Variants in PTCHD1 observed in about 807,000 individuals in gnomAD.
PTCHD1 encodes the protein patched domain-containing protein 1.
In PTCHD1, 3 loss-of-function variants were observed where a neutral mutation model predicts 34.6. The observed-to-expected ratio is 0.09, with a 90% CI of 0.04 to 0.22. The LOEUF is 0.22. Among genes scored for constraint, PTCHD1 ranks in the 10% least tolerant of loss-of-function variants. The probability of loss-of-function intolerance (pLI) is 1.00; values close to 1 mark genes in which losing one functional copy is unlikely to be tolerated. For missense variants in PTCHD1, 504 were observed against 685.5 expected, an observed-to-expected ratio of 0.74 and a Z score of 2.96; for synonymous variants, 305 against 283.1, an observed-to-expected ratio of 1.08 and a Z score of -0.77.
At chrX:23,367,928 G>T (rs1922189064) in intron 1 of PTCHD1, among the ~76,000 whole-genome samples, 1 of 110,797 alleles carries the variant, frequency 9.0e-6, no homozygotes, top group African/African-American at 3.3e-5. Flanking sequence ...GTTTGCCTGT[G>T]ATAGTCCCAT....
intron 1 of PTCHD1, among the ~76,000 whole-genome samples, chrX:23,365,670 A>G (rs1482306781): frequency 9.0e-6 from 1 of 111,672 alleles, no homozygotes; most frequent in African/African-American, 3.3e-5. Context: ...GCCAAGTCCC[A>G]TCTGTCATTG....
chrX:23,360,976 TC>T (rs1409301948), intron 1 of PTCHD1, among the ~76,000 whole-genome samples: 4 of 112,409 alleles, frequency 3.6e-5, no homozygotes, highest in African/African-American at 9.7e-5. Flanking sequence ...AGTTTCTTAA[TC>T]CTGAGTTTTA....
At chrX:23,352,142 C>G (rs1379725332) in intron 1 of PTCHD1, among the ~76,000 whole-genome samples, 1 of 111,374 alleles carries the variant, frequency 9.0e-6, no homozygotes, top group Admixed American at 9.5e-5. Context: ...CACAGGAGGG[C>G]GAGAAGGGGA....
intron 1 of PTCHD1, among the ~76,000 whole-genome samples, chrX:23,360,025 T>C (rs941036737): frequency 2.7e-5 from 3 of 112,197 alleles, no homozygotes; most frequent in African/African-American, 9.7e-5. Flanking sequence ...GATAACCTTT[T>C]TGATGTGCTG....
At chrX:23,383,269 C>G (rs1922607618) in intron 2 of PTCHD1, among the ~76,000 whole-genome samples, 1 of 111,964 alleles carries the variant, frequency 8.9e-6, no homozygotes, top group African/African-American at 3.2e-5. Flanking sequence ...GGTAAAGTAT[C>G]TTAGAAAAAG....
intron 1 of PTCHD1, among the ~76,000 whole-genome samples, chrX:23,350,806 A>T (rs972032891): frequency 1.1e-4 from 12 of 110,796 alleles, no homozygotes; most frequent in African/African-American, 3.9e-4. Flanking sequence ...GCTAGGTCGA[A>T]AGATAGGAGG....
At chrX:23,342,682 G>A (rs986979509) in intron 1 of PTCHD1, among the ~76,000 whole-genome samples, 1 of 111,031 alleles carries the variant, frequency 9.0e-6, no homozygotes, top group African/African-American at 3.3e-5. Context: ...TTAGATGCCA[G>A]ACCTCTACAT....
intron 1 of PTCHD1, among the ~76,000 whole-genome samples, chrX:23,368,387 T>A (rs1223805214): frequency 3.6e-5 from 4 of 112,219 alleles, no homozygotes; most frequent in Non-Finnish European, 7.5e-5. Context: ...GTAAATGATA[T>A]GCATGTAGCA....
rs973672673 is a variant in PTCHD1 at position 23,335,016 on chromosome X, G to C, written c.141G>C (p.Gln47His). ...TCGGCGCCAGCTTCAGCCGCTACCA[G>C]GTCGAGGAGAGCGTGGAGCACCTGC... ...ILLGASFSRYQVEESVEHLLA... is the reference protein window; with the variant it reads ...ILLGASFSRYHVEESVEHLLA... The change falls in exon 1 of 3, where the codon CAG (glutamine) becomes CAC (histidine). Residue 47 changes from glutamine to histidine, a missense_variant. Physicochemically the swap from Gln to His is conservative, Grantham distance 24 (BLOSUM62 0). Coordinates refer to ENST00000379361, the MANE Select transcript of PTCHD1 (RefSeq NM_173495.3). 1 of 1,209,286 alleles carries C rather than the reference G, an allele frequency of 8.3e-7. No individual in the cohort carries two copies. Among genetic ancestry groups the C allele is most frequent in the Non-Finnish European group, 1.1e-6 (1 of 894,839 alleles).
At chrX:23,366,263 C>A (rs1020874635) in intron 1 of PTCHD1, among the ~76,000 whole-genome samples, 1 of 111,890 alleles carries the variant, frequency 8.9e-6, no homozygotes, top group African/African-American at 3.3e-5. Flanking sequence ...ATGTAGCTAC[C>A]ACACTGCAGG....
rs1203995769 is a variant in PTCHD1, at chrX:23,400,659, T to G, written c.*6474T>G. 2.7e-5 allele frequency: 3 copies of G among 111,665 alleles called. No individual in the cohort carries two copies. Among genetic ancestry groups the G allele is most frequent in the Non-Finnish European group, 5.6e-5 (3 of 53,152 alleles). The allele number at this position is 111,665 out of a possible 1,213,427, so 9.2% of individuals were successfully genotyped here. A position where few individuals can be genotyped will look rare whatever the true frequency, so the allele number is the denominator to read the frequency against. On this transcript the variant is annotated 3_prime_UTR_variant, in exon 3 of 3. Transcript: ENST00000379361. ...TCAGGCACAACGGAAGCCGCCTCGGTTGGCCTATGGGAAGGGCTGGGTGAA... is the reference window on the plus strand; with the variant it reads ...TCAGGCACAACGGAAGCCGCCTCGGGTGGCCTATGGGAAGGGCTGGGTGAA...
At chrX:23,375,631 G>T (rs1434250779) in intron 1 of PTCHD1, among the ~76,000 whole-genome samples, 2 of 111,672 alleles carry the variant, frequency 1.8e-5, no homozygotes, top group African/African-American at 6.5e-5. Context: ...GCTCACTGCT[G>T]AATTTGTTGG....
At chrX:23,365,055 C>T (rs976107787) in intron 1 of PTCHD1, among the ~76,000 whole-genome samples, 2 of 111,600 alleles carry the variant, frequency 1.8e-5, no homozygotes, top group Admixed American at 1.9e-4. Flanking sequence ...AAGTGATTAG[C>T]CTTAAGCCTT....
At position 23,393,091 on chromosome X, in the gene PTCHD1, G is replaced by A; in HGVS notation, c.1573G>A (p.Gly525Arg). 1 of 1,210,643 alleles carries A rather than the reference G, an allele frequency of 8.3e-7. No individual in the cohort carries two copies. The highest frequency in any genetic ancestry group is 2.3e-4 in the Middle Eastern group (1 of 4,351). ...AATGGGCTATCTGCAGGTCAGTGAA[G>A]GGTCAGACCTTAGTAACATTGTAGC... is the stretch of plus-strand genomic sequence containing the variant. ...ALMGYLQVSE[G>R]SDLSNIVATA... Residue 525 changes from glycine to arginine, a missense_variant, in exon 3 of 3, where the codon GGG becomes AGG. Physicochemically the swap from Gly to Arg is moderately radical, Grantham distance 125. Transcript: ENST00000379361.
At position 23,336,894 on chromosome X, in the gene PTCHD1, C is replaced by T. The variant is rs1034837689; in HGVS notation, c.351+1668C>T. Among the ~76,000 whole-genome samples, 8 of 111,413 alleles carry T rather than the reference C, an allele frequency of 7.2e-5. No homozygotes were observed. The South Asian group carries it at 3.1e-3, about 43-fold the overall frequency. ...TAACCAGTTCTGACAGTTGGAAATGCCCCGTCTTTTGATTGATGATCTACT... is the reference window on the plus strand; with the variant it reads ...TAACCAGTTCTGACAGTTGGAAATGTCCCGTCTTTTGATTGATGATCTACT... On this transcript the variant is annotated intron_variant, in intron 1 of 2. Coordinates refer to ENST00000379361, the MANE Select transcript of PTCHD1 (RefSeq NM_173495.3).
At position 23,392,074 on chromosome X, in the gene PTCHD1, C is replaced by T. The variant is rs113637146; in HGVS notation, c.1013-457C>T. On this transcript the variant is annotated intron_variant, in intron 2 of 2. Transcript: ENST00000379361. ...TTCTTTCTTTTTTCTTTCTTTCTTT[C>T]TTTTTTTTTTTTTTTTTGAGAGATG... Among the ~76,000 whole-genome samples the T allele has an allele frequency of 4.7e-3, 246 of 52,311 alleles. 3 individuals carry two copies. The highest frequency in any genetic ancestry group is 0.019 in the African/African-American group (153 of 7,967). 45.4% of individuals were successfully genotyped at this position (52,311 alleles called of 115,157 possible).
At chrX:23,352,368 G>C (rs1403080982) in intron 1 of PTCHD1, among the ~76,000 whole-genome samples, 3 of 112,103 alleles carry the variant, frequency 2.7e-5, no homozygotes, top group Non-Finnish European at 5.6e-5. Context: ...TACAGAATTT[G>C]AGTATGAAAG....
In PTCHD1 at chrX:23,394,230, A is replaced by G. The variant is rs1454529995; in HGVS notation, c.*45A>G. ...TTTCACCTTAGGTCTTATCAAGACC[A>G]AAGAGATTATGTTAATGAAACAATT... On this transcript the variant is annotated 3_prime_UTR_variant, in exon 3 of 3. Coordinates refer to ENST00000379361, the MANE Select transcript of PTCHD1 (RefSeq NM_173495.3). The G allele has an allele frequency of 1.1e-6, 1 of 925,822 alleles. No individual in the cohort carries two copies. Among genetic ancestry groups the G allele is most frequent in the Non-Finnish European group, 1.6e-6 (1 of 644,339 alleles). 76.3% of individuals were successfully genotyped at this position (925,822 alleles called of 1,213,427 possible).
chrX:23,359,664 G>T (rs911020374), intron 1 of PTCHD1, among the ~76,000 whole-genome samples: 1 of 111,744 alleles, frequency 8.9e-6, no homozygotes, highest in East Asian at 2.8e-4. Flanking sequence ...TGATTGCCCT[G>T]GCCAGAACTT....
Sources: allele counts gnomAD v4.1 joint callset (sites outside exome capture counted in the v4.1 genomes callset), GRCh38; gene constraint gnomAD v4.1.1; transcripts MANE v1.5; gene names NCBI Gene and HGNC (gene_info 2026-07-23, HGNC 2026-07-21).